Variants in STAU1 observed in about 807,000 individuals in gnomAD.
STAU1 encodes the protein double-stranded RNA-binding protein Staufen homolog 1.
STAU1 carries 13 observed loss-of-function variants against 62.9 expected under a neutral mutation model. That is an observed-to-expected ratio of 0.21 (90% CI 0.13 to 0.33). STAU1 has a LOEUF of 0.33. STAU1 is among the 10% of genes least tolerant of loss of function. STAU1 has a pLI of 1.00. For missense variants in STAU1, 571 were observed against 712.1 expected (o/e 0.80, Z 2.25); for synonymous variants, 269 against 265.1 (o/e 1.01, Z -0.14).
At chr20:49,161,999 T>C (rs1193940318) in intron 3 of STAU1, among the ~76,000 whole-genome samples, 1 of 152,136 alleles carries the variant, frequency 6.6e-6, no homozygotes, top group African/African-American at 2.4e-5. Flanking sequence ...CCAACTGGAA[T>C]ACAAGGTCTT....
chr20:49,181,198 C>T (rs1457032404), intron 1 of STAU1, among the ~76,000 whole-genome samples: 1 of 152,172 alleles, frequency 6.6e-6, no homozygotes, highest in Non-Finnish European at 1.5e-5. Context: ...AAATGAACTG[C>T]AACTTTTATA....
In STAU1 at chr20:49,163,419, C is replaced by G. The variant is rs1161920547; in HGVS notation, c.205+2578G>C. Among the ~76,000 whole-genome samples the G allele has an allele frequency of 3.6e-5, 3 of 82,442 alleles. No homozygotes were observed. The Admixed American group carries it at 4.5e-4, about 12-fold the overall frequency. The allele number at this position is 82,442 out of a possible 152,430, so 54.1% of individuals were successfully genotyped here. On this transcript the variant is annotated intron_variant, in intron 3 of 13. Coordinates refer to ENST00000371856, the MANE Select transcript of STAU1 (RefSeq NM_017453.4). ...TTAGGTATTTTTCAAGTGTTTAAAC[C>G]TTTTTTTTTTTTTTTTTTTTTTTTG...
At chr20:49,121,038 G>A (rs977563985) in intron 8 of STAU1, among the ~76,000 whole-genome samples, 5 of 151,766 alleles carry the variant, frequency 3.3e-5, no homozygotes, top group Non-Finnish European at 7.4e-5. Context: ...CAAGTGATCC[G>A]TCATGCTGGG....
At chr20:49,164,770 C>T (rs963281068) in intron 3 of STAU1, among the ~76,000 whole-genome samples, 17 of 151,850 alleles carry the variant, frequency 1.1e-4, no homozygotes, top group African/African-American at 3.1e-4. Flanking sequence ...GTGAAACAAA[C>T]GAGAGATAAG....
intron 6 of STAU1, among the ~76,000 whole-genome samples, chr20:49,131,856 A>C (rs1055313972): frequency 2.7e-5 from 4 of 150,650 alleles, no homozygotes; most frequent in African/African-American, 9.7e-5. Flanking sequence ...AAAAAAAAAA[A>C]CAAAAGGAAG....
At chr20:49,128,217 T>C (rs2145937505) in intron 6 of STAU1, among the ~76,000 whole-genome samples, 1 of 151,890 alleles carries the variant, frequency 6.6e-6, no homozygotes, top group African/African-American at 2.4e-5. Flanking sequence ...CCCCAGCTAC[T>C]TGGGAGGCTG....
intron 3 of STAU1, 101 bp from the exon 4 acceptor site, chr20:49,154,172 ATACT>A (rs2093317531): frequency 3.9e-6 from 5 of 1,266,206 alleles, no homozygotes; most frequent in Non-Finnish European, 5.4e-6. Flanking sequence ...TGGATTCATG[ATACT>A]TTACATAAAA....
chr20:49,153,251 G>GGAAAAAAAAAAAAAAAAA (rs1379385445), intron 4 of STAU1, among the ~76,000 whole-genome samples: 2 of 99,076 alleles, frequency 2.0e-5, no homozygotes, highest in African/African-American at 7.9e-5. Flanking sequence ...CTCCGTCTCA[G>GGAAAAAAAAAAAAAAAAA]AAAAAAAAAA....
At chr20:49,137,641 T>C (rs1376243475) in intron 5 of STAU1, among the ~76,000 whole-genome samples, 1 of 152,034 alleles carries the variant, frequency 6.6e-6, no homozygotes, top group Non-Finnish European at 1.5e-5. Flanking sequence ...TTTCCTTATG[T>C]TTATCAGGTA....
chr20:49,128,614 A>T (rs2092683444), intron 6 of STAU1, among the ~76,000 whole-genome samples: 1 of 152,018 alleles, frequency 6.6e-6, no homozygotes, highest in Non-Finnish European at 1.5e-5. Flanking sequence ...AAATGTGAAG[A>T]GGGGAGGTGC....
chr20:49,154,763 G>A (rs1026995151), intron 3 of STAU1, among the ~76,000 whole-genome samples: 2 of 152,032 alleles, frequency 1.3e-5, no homozygotes, highest in African/African-American at 4.8e-5. Flanking sequence ...CTACTCAGGA[G>A]GCTGAGGCAG....
At chr20:49,163,504 C>T (rs1387228620) in intron 3 of STAU1, among the ~76,000 whole-genome samples, 1 of 142,030 alleles carries the variant, frequency 7.0e-6, no homozygotes, top group East Asian at 2.1e-4. Context: ...TGGCTTGCTG[C>T]AGCCTCTGCC....
chr20:49,180,821 A>G (rs2093715826), intron 1 of STAU1, among the ~76,000 whole-genome samples: 1 of 152,192 alleles, frequency 6.6e-6, no homozygotes, highest in Admixed American at 6.6e-5. Flanking sequence ...ACTTAACCAG[A>G]CTTTCTTTCA....
upstream of STAU1, among the ~76,000 whole-genome samples, chr20:49,191,487 A>G (rs2093831165): frequency 7.8e-6 from 1 of 128,934 alleles, no homozygotes; most frequent in Admixed American, 7.7e-5. Context: ...CTGGCCCATA[A>G]CACAGTGCCA....
chr20:49,122,990 G>A, intron 8 of STAU1, 102 bp downstream of exon 8: 3 of 1,280,908 alleles, frequency 2.3e-6, no homozygotes, highest in Non-Finnish European at 3.1e-6. Flanking sequence ...TGGCCCACAG[G>A]ATCCAGCCTC....
rs1219901659 is a variant in STAU1 at position 49,118,105 on chromosome 20, G to A, written c.1190-9C>T. ...CTCATCCTCTTTATTACCTGGGAGG[G>A]ACATACACGGTAAACACGAATCCAC... is the stretch of plus-strand genomic sequence containing the variant. On this transcript the variant is annotated splice_polypyrimidine_tract_variant and intron_variant, in intron 10 of 13. Transcript: ENST00000371856. The A allele has an allele frequency of 1.2e-6, 2 of 1,610,814 alleles. No homozygotes were observed. Among genetic ancestry groups the A allele is most frequent in the South Asian group, 2.2e-5 (2 of 90,984 alleles).
intron 1 of STAU1, among the ~76,000 whole-genome samples, chr20:49,187,203 A>T (rs1274258859): frequency 1.3e-5 from 2 of 152,156 alleles, no homozygotes; most frequent in African/African-American, 4.8e-5. Flanking sequence ...GACAAGAAGA[A>T]GCTGGATGAT....
At chr20:49,173,563 C>T (rs1411766304) in intron 2 of STAU1, among the ~76,000 whole-genome samples, 2 of 152,188 alleles carry the variant, frequency 1.3e-5, no homozygotes, top group African/African-American at 4.8e-5. Flanking sequence ...TCCTCATCCT[C>T]AAAGTAGGTT....
At chr20:49,143,256 A>G (rs1009523107) in intron 5 of STAU1, among the ~76,000 whole-genome samples, 2 of 152,198 alleles carry the variant, frequency 1.3e-5, no homozygotes, top group African/African-American at 4.8e-5. Context: ...TACTGTTAAC[A>G]CTGATTCCAT....
Sources: allele counts gnomAD v4.1 joint callset (sites outside exome capture counted in the v4.1 genomes callset), GRCh38; gene constraint gnomAD v4.1.1; transcripts MANE v1.5; gene names NCBI Gene and HGNC (gene_info 2026-07-23, HGNC 2026-07-21).